The following CFAP46 variants were observed in gnomAD, a reference collection of about 807,000 sequenced individuals.
CFAP46 encodes cilia- and flagella-associated protein 46.
Under a neutral mutation model 325.7 loss-of-function variants are expected in CFAP46, and 245 were observed. The ratio of observed to expected loss-of-function variants is 0.75; its 90% CI spans 0.68 to 0.84. The LOEUF (loss-of-function observed/expected upper bound fraction) is 0.84, where lower values mean the gene tolerates loss of function less well. Ranked by LOEUF, CFAP46 falls within the 40% of genes least tolerant of loss-of-function variation. The pLI is 0.00. For synonymous variants in CFAP46, 1,523 were observed against 1,495.9 expected, an observed-to-expected ratio of 1.02 and a Z score of -0.42; for missense variants, 3,346 against 3,543.0, an observed-to-expected ratio of 0.94 and a Z score of 1.41.
At chr10:132,842,216 T>C (rs973348854) in intron 44 of CFAP46, among the ~76,000 whole-genome samples, 5 of 152,256 alleles carry the variant, frequency 3.3e-5, no homozygotes, top group Admixed American at 1.3e-4. Flanking sequence ...TTCTACCAGA[T>C]ACCCTTGTTC....
intron 50 of CFAP46, among the ~76,000 whole-genome samples, chr10:132,831,673 T>C (rs556029873): frequency 6.7e-6 from 1 of 150,026 alleles, no homozygotes; most frequent in South Asian, 2.1e-4. Flanking sequence ...ACGCTGAATT[T>C]TCATTTAATC....
In CFAP46 at chr10:132,808,535, G is replaced by C. The variant is rs946603601; in HGVS notation, c.8034C>G (p.Gly2678=). ...GGCCCCGGGAAGAGACGCAGCTCCAGCCCCGACGCAGACCCCATGGCGCAC... is the reference window on the plus strand; with the variant it reads ...GGCCCCGGGAAGAGACGCAGCTCCACCCCCGACGCAGACCCCATGGCGCAC... ...CLCAPWGLRR[G]WSCVSSRGQD... is the part of the protein sequence containing the mutation. The change falls in exon 58 of 58, where the codon GGC becomes GGG. Residue 2678 remains glycine (G), a synonymous_variant. Transcript: ENST00000368586. This position sits in a 1 kb window ranked among gnomAD's most constrained non-coding sequence, Gnocchi z 6.8. The C allele has an allele frequency of 1.2e-6, 2 of 1,613,058 alleles. No individual in the cohort carries two copies. Among genetic ancestry groups the C allele is most frequent in the Non-Finnish European group, 1.7e-6 (2 of 1,179,980 alleles).
At chr10:132,863,970 C>T (rs527408044) in intron 35 of CFAP46, among the ~76,000 whole-genome samples, 64 of 144,604 alleles carry the variant, frequency 4.4e-4, no homozygotes, top group African/African-American at 1.4e-3. Context: ...TGTCCCTCTG[C>T]CTGAGACCTT....
chr10:132,912,000 GA>G (rs1849546877), intron 19 of CFAP46, among the ~76,000 whole-genome samples: 1 of 152,012 alleles, frequency 6.6e-6, no homozygotes, highest in African/African-American at 2.4e-5. Context: ...CGCCTCCACT[GA>G]AGGCAGTTTG....
chr10:132,913,248 C>A lies in CFAP46; in HGVS notation c.2131G>T (p.Glu711Ter). The A allele has an allele frequency of 9.7e-6, 15 of 1,550,224 alleles. No individual in the cohort carries two copies. Among genetic ancestry groups the A allele is most frequent in the South Asian group, 7.1e-5 (6 of 84,046 alleles). Residue 711 changes from glutamate to a stop codon, truncating the protein, a stop_gained, in exon 18 of 58, where the codon GAG (glutamate) becomes TAG (stop). Transcript: ENST00000368586. LOFTEE classifies it high-confidence loss of function. ...AEWITYRTWI[E>*]SLSRCAMNNW... Reference sequence around the variant, plus strand: ...TTCATGGCACACCGGGACAGACTCTCGATCCAGGTTCTGCAAAACGAGCAC... The same window carrying A: ...TTCATGGCACACCGGGACAGACTCTAGATCCAGGTTCTGCAAAACGAGCAC...
intron 50 of CFAP46, among the ~76,000 whole-genome samples, chr10:132,822,422 T>A (rs11595153): frequency 7.2e-6 from 1 of 139,058 alleles, no homozygotes; most frequent in African/African-American, 2.7e-5. Flanking sequence ...GCTGTGTGTG[T>A]GGTGATGTGT....
At chr10:132,825,273 CTG>C (rs531305347) in intron 50 of CFAP46, among the ~76,000 whole-genome samples, 1,511 of 147,736 alleles carry the variant, frequency 0.01, 23 homozygotes, top group African/African-American at 0.035. Context: ...CTGATGTGTG[CTG>C]TGTGTGTGCT....
intron 35 of CFAP46, among the ~76,000 whole-genome samples, chr10:132,865,467 C>A (rs528343823): frequency 6.6e-6 from 1 of 152,200 alleles, no homozygotes; most frequent in South Asian, 2.1e-4. Context: ...CAAAGCCTGG[C>A]AGGAACCAGC....
intron 39 of CFAP46, among the ~76,000 whole-genome samples, chr10:132,851,723 G>T (rs567308089): frequency 1.3e-5 from 2 of 152,248 alleles, no homozygotes; most frequent in African/African-American, 4.8e-5. Context: ...TCGGTGCACC[G>T]TGTGCACGCG....
At chr10:132,861,887 G>A (rs1157034048) in intron 35 of CFAP46, among the ~76,000 whole-genome samples, 1 of 152,208 alleles carries the variant, frequency 6.6e-6, no homozygotes, top group African/African-American at 2.4e-5. Flanking sequence ...GGGGCTACCC[G>A]CCGCCAGAGA....
chr10:132,814,726 G>T lies in CFAP46; in HGVS notation c.7209C>A (p.Ile2403=). The change falls in exon 52 of 58, where the codon ATC becomes ATA. Residue 2403 remains isoleucine, a synonymous_variant. Transcript: ENST00000368586. ...KGRKGSIPRT[I]PPDCIIVDSD... ...AGTCGACTATGATGCAGTCAGGGGG[G>T]ATGGTCCGGGGGATGCTGCCCTGCA... The T allele has an allele frequency of 6.2e-7, 1 of 1,613,378 alleles. No individual in the cohort carries two copies.
At chr10:132,929,936 G>A (rs1849867814) in intron 8 of CFAP46, 132 bp from the exon 9 acceptor site, 1 of 693,740 alleles carries the variant, frequency 1.4e-6, no homozygotes, top group Non-Finnish European at 2.4e-6. Context: ...ATAAAATTAA[G>A]TTAATTAGAA....
At position 132,808,644 on chromosome 10, in the gene CFAP46, G is replaced by C; in HGVS notation, c.7925C>G (p.Ala2642Gly). The C allele has an allele frequency of 6.2e-7, 1 of 1,602,354 alleles. No individual in the cohort carries two copies. The highest frequency in any genetic ancestry group is 8.5e-7 in the Non-Finnish European group (1 of 1,174,494). ...LALPFLGLSP[A>G]LGAASARDPP... ...GTCCCTGGCTGAGGCTGCACCAAGG[G>C]CTGGGGAGAGGCCCAGGAAGGGGAG... The change falls in exon 58 of 58, where the codon GCC becomes GGC. Residue 2642 changes from alanine (A) to glycine (G), a missense_variant. Coordinates refer to ENST00000368586, the MANE Select transcript of CFAP46 (RefSeq NM_001200049.3). The surrounding 1 kb of genome is among the most constrained non-coding windows in gnomAD (Gnocchi z 6.8).
At chr10:132,824,852 G>C (rs527890829) in intron 50 of CFAP46, among the ~76,000 whole-genome samples, 20 of 138,578 alleles carry the variant, frequency 1.4e-4, no homozygotes, top group Admixed American at 1.0e-3. Flanking sequence ...GAGCGCTGAT[G>C]TGTGTGTGTG....
At chr10:132,834,461 G>A (rs568352193) in intron 48 of CFAP46, among the ~76,000 whole-genome samples, 193 bp downstream of exon 48, 152 of 152,354 alleles carry the variant, frequency 1.0e-3, no homozygotes, top group African/African-American at 3.1e-3. Flanking sequence ...AGTGGGCAGT[G>A]GGCAGTACTC....
intron 8 of CFAP46, among the ~76,000 whole-genome samples, chr10:132,932,807 G>A (rs11146050): frequency 6.6e-6 from 1 of 152,258 alleles, no homozygotes; most frequent in African/African-American, 2.4e-5. Flanking sequence ...AGCACAGCGG[G>A]TGCTCTCAGC....
At position 132,885,938 on chromosome 10, in the gene CFAP46, A is replaced by T. The variant is rs539047076; in HGVS notation, c.3326T>A (p.Leu1109His). 1 of 1,550,004 alleles carries T rather than the reference A, an allele frequency of 6.5e-7. No homozygotes were observed. The highest frequency in any genetic ancestry group is 1.4e-5 in the African/African-American group (1 of 73,118). The change falls in exon 26 of 58, where the codon CTC (leucine) becomes CAC (histidine). Residue 1109 changes from leucine to histidine, a missense_variant. Physicochemically the swap from Leu to His is moderately conservative, Grantham distance 99. Transcript: ENST00000368586. ...FLPGAEDDLA[L>H]RAALYGLLFH... is the part of the protein sequence containing the mutation. ...GAGCAGGCCGTAGAGCGCAGCACGGAGCGCCAGGTCGTCCTCAGCCCCTGG... is the reference window on the plus strand; with the variant it reads ...GAGCAGGCCGTAGAGCGCAGCACGGTGCGCCAGGTCGTCCTCAGCCCCTGG...
intron 24 of CFAP46, among the ~76,000 whole-genome samples, chr10:132,894,497 T>C (rs552071459): frequency 1.3e-5 from 2 of 151,694 alleles, no homozygotes; most frequent in East Asian, 3.9e-4. Context: ...CAAAAATAGA[T>C]AACAGAAAAA....
At chr10:132,922,371 G>C (rs1225978962) in intron 12 of CFAP46, 109 bp downstream of exon 12, 2 of 1,445,310 alleles carry the variant, frequency 1.4e-6, no homozygotes, top group Non-Finnish European at 1.8e-6. Flanking sequence ...AGGCCTCCTT[G>C]CTTCAGGCAG....
Sources: gnomAD v4.1 joint callset for allele counts (sites outside exome capture counted in the v4.1 genomes callset) on GRCh38, gnomAD v4.1.1 for gene constraint, Gnocchi (gnomAD v3.1) non-coding constraint, MANE v1.5 for transcripts, NCBI Gene and HGNC (gene_info 2026-07-23, HGNC 2026-07-21) for gene names.